OTUD7A: variants seen among roughly 807,000 people sequenced by gnomAD.
The protein encoded by OTUD7A is OTU deubiquitinase 7A.
OTUD7A carries 12 observed loss-of-function variants against 65.7 expected under a neutral mutation model. That is an observed-to-expected ratio of 0.18 (90% CI 0.12 to 0.30). OTUD7A has a LOEUF of 0.30. Among genes scored for constraint, OTUD7A ranks in the 10% least tolerant of loss-of-function variants. The probability of loss-of-function intolerance (pLI) is 1.00; values close to 1 mark genes in which losing one functional copy is unlikely to be tolerated. For synonymous variants in OTUD7A, 641 were observed against 586.3 expected, an observed-to-expected ratio of 1.09 and a Z score of -1.35; for missense variants, 1,148 against 1,304.8, an observed-to-expected ratio of 0.88 and a Z score of 1.85.
chr15:31,646,946 A>G (rs1299845432), intron 3 of OTUD7A, among the ~76,000 whole-genome samples: 1 of 152,208 alleles, frequency 6.6e-6, no homozygotes, highest in Non-Finnish European at 1.5e-5. Flanking sequence ...AAGAGTATTT[A>G]AATACACTCA....
At chr15:31,633,187 T>C (rs1428441267) in intron 3 of OTUD7A, among the ~76,000 whole-genome samples, 8 of 152,196 alleles carry the variant, frequency 5.3e-5, no homozygotes, top group Non-Finnish European at 1.2e-4. Flanking sequence ...CAGATGGAAA[T>C]GCAGAAATCA....
intron 4 of OTUD7A, among the ~76,000 whole-genome samples, chr15:31,560,840 C>A (rs978578541): frequency 2.6e-5 from 4 of 152,220 alleles, no homozygotes; most frequent in African/African-American, 4.8e-5. Flanking sequence ...CCACACTGAC[C>A]AGCACACCAC....
At chr15:31,844,999 CA>C (rs2140998187) in intron 1 of OTUD7A, among the ~76,000 whole-genome samples, 1 of 152,320 alleles carries the variant, frequency 6.6e-6, no homozygotes, top group Admixed American at 6.5e-5. Context: ...CTGCTACCCC[CA>C]GCAAACAGAG....
chr15:31,620,941 T>A (rs1890759904), intron 3 of OTUD7A, among the ~76,000 whole-genome samples: 1 of 129,614 alleles, frequency 7.7e-6, no homozygotes, highest in African/African-American at 3.6e-5. Context: ...GCTTTGAATG[T>A]GTCCCAGAGA....
chr15:31,739,449 A>G (rs555329060), intron 1 of OTUD7A, among the ~76,000 whole-genome samples: 2 of 152,378 alleles, frequency 1.3e-5, no homozygotes, highest in Admixed American at 1.3e-4. Context: ...CAGGAGGAAA[A>G]TAACAGTTTG....
At chr15:31,553,105 G>A (rs774424385) in intron 5 of OTUD7A, among the ~76,000 whole-genome samples, 20 of 151,950 alleles carry the variant, frequency 1.3e-4, no homozygotes, top group African/African-American at 3.1e-4. Context: ...CAAACCCAGC[G>A]GTCAGTTTCT....
intron 3 of OTUD7A, among the ~76,000 whole-genome samples, chr15:31,634,748 G>A (rs1452021732): frequency 2.0e-5 from 3 of 152,376 alleles, no homozygotes; most frequent in Middle Eastern, 3.4e-3. Flanking sequence ...CACAGAGCAG[G>A]GGCTGCCCCA....
chr15:31,718,905 GAA>G lies in OTUD7A; in HGVS notation c.-99-61830_-99-61829del, dbSNP rs4041932. Among the ~76,000 whole-genome samples, 126 of 141,762 alleles carry G rather than the reference GAA, an allele frequency of 8.9e-4. 1 individual carries two copies. The highest frequency in any genetic ancestry group is 4.0e-3 in the East Asian group (20 of 4,966). 93.0% of individuals were successfully genotyped at this position (141,762 alleles called of 152,430 possible). A position where few individuals can be genotyped will look rare whatever the true frequency, so the allele number is the denominator to read the frequency against. On this transcript the variant is annotated intron_variant, in intron 1 of 12. Transcript: ENST00000307050. ...ACATGTATGCTGAATAAGTGATTAG[GAA>G]AAAAAAAAAAACTGTGTAAACCCTC...
At chr15:31,621,115 C>T (rs921726328) in intron 3 of OTUD7A, among the ~76,000 whole-genome samples, 8 of 151,492 alleles carry the variant, frequency 5.3e-5, no homozygotes, top group African/African-American at 2.0e-4. Context: ...AGTTTGATTG[C>T]ACTGTGGTCT....
At chr15:31,837,147 A>G (rs1190492141) in intron 1 of OTUD7A, among the ~76,000 whole-genome samples, 1 of 152,212 alleles carries the variant, frequency 6.6e-6, no homozygotes, top group African/African-American at 2.4e-5. Flanking sequence ...ACAAGATACA[A>G]CATAAACATA....
intron 1 of OTUD7A, among the ~76,000 whole-genome samples, chr15:31,759,452 C>T (rs1314830597): frequency 1.3e-5 from 2 of 152,260 alleles, no homozygotes; most frequent in Non-Finnish European, 2.9e-5. Context: ...AATCCTGTCA[C>T]TTCTCACACT....
At chr15:31,766,492 G>A in intron 1 of OTUD7A, 1 of 1,605,856 alleles carries the variant, frequency 6.2e-7, no homozygotes, top group Non-Finnish European at 8.5e-7. Flanking sequence ...CTTTTGCAGA[G>A]TCTTTTATTG....
chr15:31,671,423 T>C (rs914614407), intron 1 of OTUD7A, among the ~76,000 whole-genome samples: 1 of 152,232 alleles, frequency 6.6e-6, no homozygotes, highest in Non-Finnish European at 1.5e-5. Flanking sequence ...TTGGTCTATG[T>C]GTCTGTTTTT....
intron 1 of OTUD7A, among the ~76,000 whole-genome samples, chr15:31,859,875 C>T (rs1176073105): frequency 1.3e-5 from 2 of 152,176 alleles, no homozygotes; most frequent in South Asian, 2.1e-4. Flanking sequence ...ACTCTGAGCA[C>T]GTACCCAGCA....
At chr15:31,527,342 G>T in intron 6 of OTUD7A, 34 bp from the exon 7 acceptor site, 1 of 1,607,978 alleles carries the variant, frequency 6.2e-7, no homozygotes, top group Non-Finnish European at 8.5e-7. Context: ...ACAGAGGAGA[G>T]AAAGGACATG....
chr15:31,778,753 CACAG>C (rs762838744), intron 1 of OTUD7A, among the ~76,000 whole-genome samples: 5 of 151,704 alleles, frequency 3.3e-5, no homozygotes, highest in East Asian at 1.9e-4. Flanking sequence ...CACACACACA[CACAG>C]ACACGCACAT....
rs1369005584 is a variant in OTUD7A at position 31,484,635 on chromosome 15, C to T, written c.1461G>A (p.Ser487=). The change falls in exon 13 of 13, where the codon TCG becomes TCA. Residue 487 remains serine, a synonymous_variant. Transcript: ENST00000307050. The surrounding 1 kb of genome is among the most constrained non-coding windows in gnomAD (Gnocchi z 4.5). ...LADSLDSDRD[S]VCSNSNSNNG... ...TATTGCTGTTAGAATTGCTGCACAC[C>T]GAATCGCGGTCCGAGTCCAGCGAGT... 10 of 1,590,496 alleles carry T rather than the reference C, an allele frequency of 6.3e-6. No homozygotes were observed. Among genetic ancestry groups the T allele is most frequent in the Admixed American group, 1.8e-5 (1 of 56,972 alleles).
chr15:31,867,580 A>T (rs966789927), intron 1 of OTUD7A, among the ~76,000 whole-genome samples: 8 of 152,208 alleles, frequency 5.3e-5, no homozygotes, highest in African/African-American at 1.7e-4. Flanking sequence ...CAAAGCCAGG[A>T]GCAAACATCA....
intron 1 of OTUD7A, among the ~76,000 whole-genome samples, chr15:31,666,834 T>C (rs559577719): frequency 5.3e-5 from 8 of 152,300 alleles, no homozygotes; most frequent in Admixed American, 2.0e-4. Context: ...TGTGTCATTA[T>C]TGTCGTTGAG....
Sources: gnomAD v4.1 joint callset for allele counts (sites outside exome capture counted in the v4.1 genomes callset) on GRCh38, gnomAD v4.1.1 for gene constraint, Gnocchi (gnomAD v3.1) non-coding constraint, MANE v1.5 for transcripts, NCBI Gene and HGNC (gene_info 2026-07-23, HGNC 2026-07-21) for gene names.